The following FSTL4 variants were observed in gnomAD, a reference collection of about 807,000 sequenced individuals.
FSTL4 encodes follistatin like 4.
A neutral mutation model predicts 78.2 loss-of-function variants in FSTL4; 28 were observed. That is an observed-to-expected ratio of 0.36 (90% CI 0.27 to 0.49). The LOEUF (loss-of-function observed/expected upper bound fraction) is 0.49, where lower values mean the gene tolerates loss of function less well. Ranked by LOEUF, FSTL4 falls within the 20% of genes least tolerant of loss-of-function variation. The pLI, the probability that FSTL4 is intolerant of heterozygous loss-of-function variation, is 0.98. For synonymous variants in FSTL4, 422 were observed against 440.5 expected, an observed-to-expected ratio of 0.96 and a Z score of 0.53; for missense variants, 922 against 1,084.9, an observed-to-expected ratio of 0.85 and a Z score of 2.11.
intron 4 of FSTL4, among the ~76,000 whole-genome samples, chr5:133,385,919 C>T (rs1431219867): frequency 3.3e-5 from 5 of 152,140 alleles, no homozygotes; most frequent in Non-Finnish European, 7.3e-5. Flanking sequence ...GAATGATAAT[C>T]ACTATGTGTG....
chr5:133,541,182 G>T (rs542380884), intron 3 of FSTL4, among the ~76,000 whole-genome samples: 1 of 152,200 alleles, frequency 6.6e-6, no homozygotes, highest in South Asian at 2.1e-4. Flanking sequence ...ATTATTTCTC[G>T]ATATTTCTGT....
intron 4 of FSTL4, among the ~76,000 whole-genome samples, chr5:133,345,250 T>A (rs908219390): frequency 6.6e-6 from 1 of 152,210 alleles, no homozygotes; most frequent in African/African-American, 2.4e-5. Context: ...GTTCATATCC[T>A]TTGCCCACCT....
chr5:133,448,589 A>G (rs993957156), intron 3 of FSTL4, among the ~76,000 whole-genome samples: 1 of 152,222 alleles, frequency 6.6e-6, no homozygotes, highest in Non-Finnish European at 1.5e-5. Flanking sequence ...TGCCTCTGTC[A>G]GAGCTCAGCT....
At chr5:133,352,347 TATATATACACACAC>T in intron 4 of FSTL4, among the ~76,000 whole-genome samples, 1 of 141,176 alleles carries the variant, frequency 7.1e-6, no homozygotes, top group Non-Finnish European at 1.5e-5. Flanking sequence ...TATATACACA[TATATATACACACAC>T]ATATATATAC....
chr5:133,459,086 A>C (rs2112836245), intron 3 of FSTL4, among the ~76,000 whole-genome samples: 1 of 152,224 alleles, frequency 6.6e-6, no homozygotes. Context: ...TGGAAGCAGG[A>C]GGGCATGTGT....
the FSTL4 span, among the ~76,000 whole-genome samples, chr5:133,717,706 T>C: frequency 6.6e-6 from 1 of 152,236 alleles, no homozygotes; most frequent in Non-Finnish European, 1.5e-5. Flanking sequence ...CTTCTTTCAT[T>C]CAGCATAATG....
At chr5:133,277,687 C>A (rs1034514967) in intron 6 of FSTL4, among the ~76,000 whole-genome samples, 1 of 152,160 alleles carries the variant, frequency 6.6e-6, no homozygotes, top group African/African-American at 2.4e-5. Context: ...TGACTTGCCC[C>A]TTGGGGTGGC....
intron 3 of FSTL4, among the ~76,000 whole-genome samples, chr5:133,430,615 A>T (rs1427941674): frequency 2.0e-5 from 3 of 152,222 alleles, no homozygotes; most frequent in Admixed American, 2.0e-4. Context: ...AATTAATACC[A>T]AAATCTTACT....
the FSTL4 span, among the ~76,000 whole-genome samples, chr5:133,739,356 C>G: frequency 6.6e-6 from 1 of 151,754 alleles, no homozygotes; most frequent in Non-Finnish European, 1.5e-5. Context: ...CAAAGTGAGC[C>G]CGCCAGGAGG....
intron 6 of FSTL4, among the ~76,000 whole-genome samples, chr5:133,291,450 T>A (rs1426344624): frequency 6.6e-6 from 1 of 152,214 alleles, no homozygotes; most frequent in Non-Finnish European, 1.5e-5. Context: ...TATCTACAGC[T>A]GCCTCACGTT....
At chr5:133,778,159 C>G in the FSTL4 span, among the ~76,000 whole-genome samples, 2 of 152,148 alleles carry the variant, frequency 1.3e-5, no homozygotes, top group Non-Finnish European at 2.9e-5. Context: ...TCCACATCTG[C>G]CCCCCAGATG....
intron 3 of FSTL4, among the ~76,000 whole-genome samples, chr5:133,543,110 G>A (rs1759510060): frequency 6.6e-6 from 1 of 152,056 alleles, no homozygotes; most frequent in Non-Finnish European, 1.5e-5. Context: ...GAGTGCAGTG[G>A]TGCCATCAGA....
chr5:133,508,895 C>T (rs1302462776), intron 3 of FSTL4, among the ~76,000 whole-genome samples: 1 of 152,174 alleles, frequency 6.6e-6, no homozygotes, highest in Non-Finnish European at 1.5e-5. Context: ...TCATCTTACT[C>T]TTATATAAGG....
intron 4 of FSTL4, among the ~76,000 whole-genome samples, chr5:133,347,790 G>A (rs1580637857): frequency 6.6e-6 from 1 of 152,144 alleles, no homozygotes; most frequent in East Asian, 1.9e-4. Flanking sequence ...TTCATTAATG[G>A]CCCACTCTGA....
At chr5:133,701,787 A>G in the FSTL4 span, among the ~76,000 whole-genome samples, 2 of 152,166 alleles carry the variant, frequency 1.3e-5, no homozygotes, top group Non-Finnish European at 2.9e-5. Flanking sequence ...GTTTTCCCCA[A>G]TAAAACGCAT....
chr5:133,382,950 G>T lies in FSTL4; in HGVS notation c.409+17788C>A, dbSNP rs114631744. Among the ~76,000 whole-genome samples, 462 of 152,176 alleles carry T rather than the reference G, an allele frequency of 3.0e-3. 4 individuals carry two copies. The highest frequency in any genetic ancestry group is 0.01 in the African/African-American group (430 of 41,514). ...AGACAGGGAGAGAGAGAGAAGGGGG[G>T]TGGGAGAAGGAGGAACAGAGCGTGC... On this transcript the variant is annotated intron_variant, in intron 4 of 15. Transcript: ENST00000265342.
chr5:133,776,555 C>CA, the FSTL4 span, among the ~76,000 whole-genome samples: 1 of 152,120 alleles, frequency 6.6e-6, no homozygotes, highest in Non-Finnish European at 1.5e-5. Flanking sequence ...GGTTTTCTAT[C>CA]TTTTTTCCTG....
rs550674294 is a variant in FSTL4, at chr5:133,353,044, C to T, written c.410-36392G>A. ...GTCCTCTTCTTCCCATTTCTCTCCC[C>T]TTCCAGCCCATTTAGTTGGTTCTTT... is the stretch of plus-strand genomic sequence containing the variant. On this transcript the variant is annotated intron_variant, in intron 4 of 15. Transcript: ENST00000265342. Among the ~76,000 whole-genome samples the T allele has an allele frequency of 2.0e-5, 3 of 152,308 alleles. 1 individual carries two copies. The highest frequency in any genetic ancestry group is 4.1e-4 in the South Asian group (2 of 4,820).
intron 3 of FSTL4, among the ~76,000 whole-genome samples, chr5:133,462,561 CA>C (rs1338150592): frequency 2.6e-5 from 4 of 152,192 alleles, no homozygotes; most frequent in Non-Finnish European, 4.4e-5. Flanking sequence ...TAATCAAAGA[CA>C]CTCCTGAAAT....
Sources: gnomAD v4.1 joint callset for allele counts (sites outside exome capture counted in the v4.1 genomes callset) on GRCh38, gnomAD v4.1.1 for gene constraint, MANE v1.5 for transcripts, NCBI Gene and HGNC (gene_info 2026-07-23, HGNC 2026-07-21) for gene names.